The following GPR37 variants were observed in gnomAD, a reference collection of about 807,000 sequenced individuals.
GPR37 encodes G protein-coupled receptor 37.
Under a neutral mutation model 43.6 loss-of-function variants are expected in GPR37, and 20 were observed. The ratio of observed to expected loss-of-function variants is 0.46; its 90% CI spans 0.32 to 0.67. The LOEUF (loss-of-function observed/expected upper bound fraction) is 0.67, where lower values mean the gene tolerates loss of function less well. GPR37 is among the 30% of genes least tolerant of loss of function. The pLI is 0.03. For missense variants in GPR37, 724 were observed against 797.2 expected, an observed-to-expected ratio of 0.91 and a Z score of 1.11; for synonymous variants, 315 against 322.6, an observed-to-expected ratio of 0.98 and a Z score of 0.25.
In GPR37 at chr7:124,746,993, G is replaced by A; in HGVS notation, c.1374C>T (p.Thr458=). The change falls in exon 2 of 2, where the codon ACC becomes ACT. Residue 458 remains threonine (T), a synonymous_variant. Transcript: ENST00000303921. ...TCGCAGTCACTAGAGAGCAGGTGAT[G>A]GTGAAAAGCGTGGGCAAACAAAAGT... is the stretch of plus-strand genomic sequence containing the variant. The part of the protein sequence containing the change: ...GCYFCLPTLF[T]ITCSLVTARK... 6.2e-7 allele frequency: 1 copy of A among 1,614,012 alleles called. No individual in the cohort carries two copies. Among genetic ancestry groups the A allele is most frequent in the Non-Finnish European group, 8.5e-7 (1 of 1,179,944 alleles).
At position 124,763,811 on chromosome 7, in the gene GPR37, T is replaced by G. The variant is rs963059197; in HGVS notation, c.1023+143A>C. 46 of 742,690 alleles carry G rather than the reference T, an allele frequency of 6.2e-5. No homozygotes were observed. In the African/African-American group the frequency reaches 7.7e-4, roughly 12 times the overall value. The allele number at this position is 742,690 out of a possible 1,614,324, so 46.0% of individuals were successfully genotyped here. A position where few individuals can be genotyped will look rare whatever the true frequency, so the allele number is the denominator to read the frequency against. On this transcript the variant is annotated intron_variant, in intron 1 of 1. Transcript: ENST00000303921. ...TTTTGTATATACATACATGCATAAA[T>G]GATTGGAAAGAGAAATGAAAGAGGG...
rs2116307862 is a variant in GPR37 at position 124,747,097 on chromosome 7, A to G, written c.1270T>C (p.Ser424Pro). ...APAERCIIKI[S>P]PDLPDTIYVL... is the part of the protein sequence containing the mutation. The stretch of plus-strand genomic sequence containing the variant: ...TAGATGGTGTCTGGTAAATCAGGAG[A>G]GATCTTAATAATGCACCTTTCTGCC... Residue 424 changes from serine to proline, a missense_variant, in exon 2 of 2, where the codon TCT (serine) becomes CCT (proline). Around this residue, in one of 2 missense-constraint regions of GPR37, gnomAD observed 342 missense variants for 441.8 expected, o/e 0.77. Transcript: ENST00000303921. 6.2e-7 allele frequency: 1 copy of G among 1,614,006 alleles called. No homozygotes were observed. Among genetic ancestry groups the G allele is most frequent in the East Asian group, 2.2e-5 (1 of 44,870 alleles).
At chr7:124,748,105 CAG>C (rs1793693726) in intron 1 of GPR37, among the ~76,000 whole-genome samples, 1 of 152,034 alleles carries the variant, frequency 6.6e-6, no homozygotes, top group South Asian at 2.1e-4. Context: ...AGACAGGAAA[CAG>C]AGCTGGGGCC....
chr7:124,764,005 G>T lies in GPR37; in HGVS notation c.972C>A (p.Thr324=). 6 of 1,614,090 alleles carry T rather than the reference G, an allele frequency of 3.7e-6. No individual in the cohort carries two copies. Among genetic ancestry groups the T allele is most frequent in the Non-Finnish European group, 5.1e-6 (6 of 1,180,024 alleles). ...CLPLVIFHEL[T]KKWLLEDFSC... Reference sequence around the variant, plus strand: ...AGAAGTCCTCCAGCAGCCACTTCTTGGTCAGCTCGTGGAAGATGACCAGCG... The same window carrying T: ...AGAAGTCCTCCAGCAGCCACTTCTTTGTCAGCTCGTGGAAGATGACCAGCG... Residue 324 remains threonine (T), a synonymous_variant, in exon 1 of 2, where the codon ACC becomes ACA. Transcript: ENST00000303921. This position sits in a 1 kb window ranked among gnomAD's most constrained non-coding sequence, Gnocchi z 5.4.
chr7:124,760,414 CT>C (rs1180496091), intron 1 of GPR37, among the ~76,000 whole-genome samples: 1 of 152,042 alleles, frequency 6.6e-6, no homozygotes, highest in East Asian at 1.9e-4. Flanking sequence ...AAAATTTAAC[CT>C]ATATAACTTT....
At chr7:124,759,775 T>C (rs1187546497) in intron 1 of GPR37, among the ~76,000 whole-genome samples, 17 of 152,218 alleles carry the variant, frequency 1.1e-4, no homozygotes, top group Non-Finnish European at 5.9e-5. Flanking sequence ...ATCATAAAAC[T>C]TCCTTTCTCA....
chr7:124,754,906 G>A (rs1331157247), intron 1 of GPR37, among the ~76,000 whole-genome samples: 1 of 152,078 alleles, frequency 6.6e-6, no homozygotes. Context: ...CCTTGTCCTT[G>A]CAGCATTTCA....
rs1793678146 is a variant in GPR37, at chr7:124,746,912, T to C, written c.1455A>G (p.Gln485=). The change falls in exon 2 of 2, where the codon CAA becomes CAG. Residue 485 remains glutamine, a synonymous_variant. Coordinates refer to ENST00000303921, the MANE Select transcript of GPR37 (RefSeq NM_005302.5). ...CTGTACAGTTCATCTGACTCTCTAGTTGAATCTGCCGTTTATTCCCTCGGG... is the reference window on the plus strand; with the variant it reads ...CTGTACAGTTCATCTGACTCTCTAGCTGAATCTGCCGTTTATTCCCTCGGG... The part of the protein sequence containing the change: ...ACTRGNKRQI[Q]LESQMNCTVV... The C allele has an allele frequency of 1.2e-6, 2 of 1,614,014 alleles. No individual in the cohort carries two copies. The highest frequency in any genetic ancestry group is 8.5e-7 in the Non-Finnish European group (1 of 1,179,984).
In GPR37 at chr7:124,744,586, C is replaced by G. The variant is rs1035513674; in HGVS notation, c.*1939G>C. ...CCACTCATCCAGTTATCTCATAAAG[C>G]CTTTCATGCTCTCTTCTAACCCTAT... On this transcript the variant is annotated 3_prime_UTR_variant, in exon 2 of 2. Transcript: ENST00000303921. 2.0e-5 allele frequency: 3 copies of G among 152,200 alleles called. No homozygotes were observed. The highest frequency in any genetic ancestry group is 2.9e-5 in the Non-Finnish European group (2 of 68,056). The allele number at this position is 152,200 out of a possible 1,614,324, so 9.4% of individuals were successfully genotyped here.
chr7:124,746,755 A>G lies in GPR37; in HGVS notation c.1612T>C (p.Leu538=). 1 of 1,614,016 alleles carries G rather than the reference A, an allele frequency of 6.2e-7. No individual in the cohort carries two copies. Among genetic ancestry groups the G allele is most frequent in the Non-Finnish European group, 8.5e-7 (1 of 1,179,930 alleles). ...GGGGTGACACAGGACTTAAAGAACA[A>G]AAGGAACTGGCTGATGATATTAAGG... ...DLLNIISQFL[L]FFKSCVTPVL... is the part of the protein sequence containing the mutation. Residue 538 remains leucine, a synonymous_variant, in exon 2 of 2, where the codon TTG becomes CTG. Transcript: ENST00000303921.
rs371252749 is a variant in GPR37, at chr7:124,745,950, G to C, written c.*575C>G. ...GATTACCTGCCTTAAAAGAAAATAC[G>C]TTATAAAACAGTAAGGCCGGTTTTA... On this transcript the variant is annotated 3_prime_UTR_variant, in exon 2 of 2. Coordinates refer to ENST00000303921, the MANE Select transcript of GPR37 (RefSeq NM_005302.5). 5 of 152,012 alleles carry C rather than the reference G, an allele frequency of 3.3e-5. No homozygotes were observed. In the South Asian group the frequency reaches 1.0e-3, roughly 32 times the overall value. The allele number at this position is 152,012 out of a possible 1,614,324, so 9.4% of individuals were successfully genotyped here.
At chr7:124,758,383 C>G (rs1010992132) in intron 1 of GPR37, among the ~76,000 whole-genome samples, 8 of 152,174 alleles carry the variant, frequency 5.3e-5, no homozygotes. Context: ...CACATTTTCC[C>G]TAAGAATACT....
intron 1 of GPR37, among the ~76,000 whole-genome samples, chr7:124,750,911 T>C (rs1192349113): frequency 6.6e-6 from 1 of 152,176 alleles, no homozygotes; most frequent in Non-Finnish European, 1.5e-5. Context: ...TCAGGAATTC[T>C]ACACTGTGTT....
Position 124,764,536 on chromosome 7 carries a change from C to A in GPR37, c.441G>T (p.Gln147His). The change falls in exon 1 of 2, where the codon CAG (glutamine) becomes CAT (histidine). Residue 147 changes from glutamine (Q) to histidine (H), a missense_variant. Physicochemically the swap from Gln to His is conservative, Grantham distance 24. Transcript: ENST00000303921. The surrounding 1 kb of genome is among the most constrained non-coding windows in gnomAD (Gnocchi z 5.4). ...GACCCTTCTCTTCCTCCTCTGAGAT[C>A]TGAAGGAAGAGCTGGAGGGCCGTGG... ...GNPTALQLFL[Q>H]ISEEEEKGPR... 1 of 1,613,640 alleles carries A rather than the reference C, an allele frequency of 6.2e-7. No homozygotes were observed. Among genetic ancestry groups the A allele is most frequent in the South Asian group, 1.1e-5 (1 of 91,088 alleles).
Position 124,764,154 on chromosome 7 carries a change from C to T in GPR37, c.823G>A (p.Gly275Ser). 2 of 1,604,264 alleles carry T rather than the reference C, an allele frequency of 1.2e-6. No individual in the cohort carries two copies. Among genetic ancestry groups the T allele is most frequent in the Admixed American group, 1.7e-5 (1 of 59,444 alleles). The change falls in exon 1 of 2, where the codon GGC becomes AGC. Residue 275 changes from glycine (G) to serine (S), a missense_variant. By Grantham distance (56) the Gly-to-Ser change is moderately conservative. Coordinates refer to ENST00000303921, the MANE Select transcript of GPR37 (RefSeq NM_005302.5). The surrounding 1 kb of genome is among the most constrained non-coding windows in gnomAD (Gnocchi z 5.4). ...MCLSVVIFGTGIIGNLAVMCI... is the reference protein window; with the variant it reads ...MCLSVVIFGTSIIGNLAVMCI... ...ATCACCGCCAGGTTGCCAATGATGC[C>T]GGTCCCGAAGATCACCACGGACAGA...
rs1793906461 is a variant in GPR37 at position 124,765,204 on chromosome 7, G to A, written c.-228C>T. The stretch of plus-strand genomic sequence containing the variant: ...CTTGTGCATTTCTCAGCCAAGTTGA[G>A]TCCCAGCAAGGTATGCCCTCCAAGG... On this transcript the variant is annotated 5_prime_UTR_variant, in exon 1 of 2. Coordinates refer to ENST00000303921, the MANE Select transcript of GPR37 (RefSeq NM_005302.5). The A allele has an allele frequency of 4.4e-6, 2 of 455,320 alleles. No homozygotes were observed. The highest frequency in any genetic ancestry group is 3.5e-5 in the East Asian group (1 of 28,530). 28.2% of individuals were successfully genotyped at this position (455,320 alleles called of 1,614,324 possible).
chr7:124,750,967 A>C (rs973877925), intron 1 of GPR37, among the ~76,000 whole-genome samples: 1 of 152,172 alleles, frequency 6.6e-6, no homozygotes, highest in African/African-American at 2.4e-5. Context: ...CAAAAGCTTT[A>C]GTACCAAGTC....
At chr7:124,748,201 A>AAAGAGAGAGAGATAATGAAG (rs1267675356) in intron 1 of GPR37, among the ~76,000 whole-genome samples, 3 of 152,138 alleles carry the variant, frequency 2.0e-5, no homozygotes, top group Admixed American at 2.0e-4. Flanking sequence ...TAAAGGGAAA[A>AAAGAGAGAGAGATAATGAAG]AAGAGAGAGA....
At position 124,764,267 on chromosome 7, in the gene GPR37, C is replaced by G. The variant is rs1269676678; in HGVS notation, c.710G>C (p.Arg237Pro). 3.1e-6 allele frequency: 5 copies of G among 1,598,474 alleles called. No homozygotes were observed. The highest frequency in any genetic ancestry group is 4.3e-6 in the Non-Finnish European group (5 of 1,172,656). Residue 237 changes from arginine to proline, a missense_variant, in exon 1 of 2, where the codon CGG (arginine) becomes CCG (proline). Coordinates refer to ENST00000303921, the MANE Select transcript of GPR37 (RefSeq NM_005302.5). The surrounding 1 kb of genome is among the most constrained non-coding windows in gnomAD (Gnocchi z 5.4). ...EGIHEPGGPRRGNSTNRRVRL... is the reference protein window; with the variant it reads ...EGIHEPGGPRPGNSTNRRVRL... Reference sequence around the variant, plus strand: ...CACACGCCGGTTCGTGCTGTTTCCCCGGCGGGGACCCCCAGGCTCATGGAT... The same window carrying G: ...CACACGCCGGTTCGTGCTGTTTCCCGGGCGGGGACCCCCAGGCTCATGGAT...
Sources: allele counts gnomAD v4.1 joint callset (sites outside exome capture counted in the v4.1 genomes callset), GRCh38; gene constraint gnomAD v4.1.1; regional missense constraint gnomAD v4.1.1; non-coding constraint Gnocchi (gnomAD v3.1); transcripts MANE v1.5; gene names NCBI Gene and HGNC (gene_info 2026-07-23, HGNC 2026-07-21).